The following ADD3 variants were observed in gnomAD, a reference collection of about 807,000 sequenced individuals.
ADD3 encodes adducin 3.
Under a neutral mutation model 80.2 loss-of-function variants are expected in ADD3, and 25 were observed. The ratio of observed to expected loss-of-function variants is 0.31; its 90% CI spans 0.23 to 0.44. The LOEUF is 0.44. ADD3 is among the 20% of genes least tolerant of loss of function. The probability of loss-of-function intolerance (pLI) is 1.00; values close to 1 mark genes in which losing one functional copy is unlikely to be tolerated. For synonymous variants in ADD3, 284 were observed against 289.6 expected (o/e 0.98, Z 0.20); for missense variants, 829 against 847.5 (o/e 0.98, Z 0.27).
chr10:110,125,830 T>C lies in ADD3; in HGVS notation c.1406T>C (p.Met469Thr). Residue 469 changes from methionine (M) to threonine (T), a missense_variant, in exon 11 of 15, where the codon ATG (methionine) becomes ACG (threonine). Coordinates refer to ENST00000356080, the MANE Select transcript of ADD3 (RefSeq NM_016824.5). ...ETSPRTKITW[M>T]KAEDSSKVSG... ...AGAAAATTTTTGATTCTTTAGTGGATGAAAGCAGAAGACTCATCTAAAGTT... is the reference window on the plus strand; with the variant it reads ...AGAAAATTTTTGATTCTTTAGTGGACGAAAGCAGAAGACTCATCTAAAGTT... 1.3e-6 allele frequency: 2 copies of C among 1,583,392 alleles called. No homozygotes were observed. Among genetic ancestry groups the C allele is most frequent in the African/African-American group, 1.3e-5 (1 of 74,180 alleles).
At chr10:109,998,199 C>T (rs572485609) in intron 1 of ADD3, among the ~76,000 whole-genome samples, 44 of 152,140 alleles carry the variant, frequency 2.9e-4, no homozygotes, top group Non-Finnish European at 5.6e-4. Context: ...CAGAAGGGCT[C>T]GCTTTTATCT....
intron 8 of ADD3, 128 bp downstream of exon 8, chr10:110,119,692 T>TA (rs1192680266): frequency 2.7e-6 from 2 of 731,616 alleles, no homozygotes; most frequent in East Asian, 5.3e-5. Context: ...CTGCTCTACT[T>TA]ATGTAGGCAG....
At chr10:110,048,083 C>G (rs184874461) in intron 1 of ADD3, among the ~76,000 whole-genome samples, 1 of 152,198 alleles carries the variant, frequency 6.6e-6, no homozygotes, top group Admixed American at 6.5e-5. Flanking sequence ...GGGGCAGTTT[C>G]CCTCATCCTG....
At chr10:110,084,107 AAT>A (rs1464797990) in intron 1 of ADD3, among the ~76,000 whole-genome samples, 1 of 152,230 alleles carries the variant, frequency 6.6e-6, no homozygotes, top group Non-Finnish European at 1.5e-5. Context: ...TGGAATTTAA[AAT>A]ATAGCAAGCA....
intron 2 of ADD3, 87 bp from the exon 3 acceptor site, chr10:110,112,690 G>A: frequency 4.8e-6 from 7 of 1,447,924 alleles, no homozygotes; most frequent in Non-Finnish European, 6.5e-6. Flanking sequence ...TCAGAAAAGG[G>A]ATGGGGTAAA....
intron 1 of ADD3, among the ~76,000 whole-genome samples, chr10:110,083,933 A>G (rs1217372944): frequency 1.3e-5 from 2 of 152,176 alleles, no homozygotes; most frequent in Non-Finnish European, 2.9e-5. Flanking sequence ...ATATTTACCA[A>G]ACTCTGGAGA....
intron 1 of ADD3, among the ~76,000 whole-genome samples, chr10:110,092,707 C>T (rs1355754989): frequency 6.6e-6 from 1 of 151,996 alleles, no homozygotes; most frequent in African/African-American, 2.4e-5. Flanking sequence ...GCACATGTAC[C>T]CCCTGAACCT....
intron 1 of ADD3, among the ~76,000 whole-genome samples, chr10:110,074,670 A>G (rs766962683): frequency 2.0e-5 from 3 of 152,150 alleles, no homozygotes; most frequent in Non-Finnish European, 2.9e-5. Context: ...TTTCATAACA[A>G]TAACTAATCG....
chr10:110,026,995 G>A (rs1004816017), intron 1 of ADD3, among the ~76,000 whole-genome samples: 1 of 152,060 alleles, frequency 6.6e-6, no homozygotes, highest in Non-Finnish European at 1.5e-5. Flanking sequence ...ACCTTTTCTA[G>A]TCTTCTGTAC....
chr10:110,113,567 C>T (rs903139199), intron 3 of ADD3, among the ~76,000 whole-genome samples: 1 of 152,138 alleles, frequency 6.6e-6, no homozygotes, highest in African/African-American at 2.4e-5. Context: ...GCACCAGGCC[C>T]ACCCTGTCTC....
rs549965902 is a variant in ADD3, at chr10:110,029,769, C to T, written c.-30+21470C>T. 4.6e-5 allele frequency among the ~76,000 whole-genome samples: 7 copies of T among 152,246 alleles called. No homozygotes were observed. In the South Asian group the frequency reaches 1.2e-3, roughly 27 times the overall value. Reference sequence around the variant, plus strand: ...AAACCATATGACAAGACTTTTCTTACCTGATTGAAAGTTGCTTACGGTTTA... The same window carrying T: ...AAACCATATGACAAGACTTTTCTTATCTGATTGAAAGTTGCTTACGGTTTA... On this transcript the variant is annotated intron_variant, in intron 1 of 14. Transcript: ENST00000356080.
In ADD3 at chr10:110,130,490, A is replaced by T; in HGVS notation, c.1732+4A>T. The T allele has an allele frequency of 6.2e-7, 1 of 1,613,016 alleles. No individual in the cohort carries two copies. The highest frequency in any genetic ancestry group is 8.5e-7 in the Non-Finnish European group (1 of 1,179,580). ...CGTAAACAACAAGGCCTAGAAGGTT[A>T]GTTAATCTTTACATTCAACCTAGGG... On this transcript the variant is annotated splice_donor_region_variant and intron_variant, in intron 13 of 14. Transcript: ENST00000356080.
intron 1 of ADD3, among the ~76,000 whole-genome samples, chr10:110,089,021 A>G (rs1354933091): frequency 6.6e-6 from 1 of 152,172 alleles, no homozygotes; most frequent in African/African-American, 2.4e-5. Flanking sequence ...AGCTTGTGAA[A>G]TAGGTAGATG....
chr10:110,132,308 C>T lies in ADD3; in HGVS notation c.1736C>T (p.Ala579Val), dbSNP rs113052722. The T allele has an allele frequency of 6.2e-7, 1 of 1,611,420 alleles. No individual in the cohort carries two copies. Among genetic ancestry groups the T allele is most frequent in the African/African-American group, 1.3e-5 (1 of 74,936 alleles). The change falls in exon 14 of 15, where the codon GCT (alanine) becomes GTT (valine). Residue 579 changes from alanine (A) to valine (V), a missense_variant. Coordinates refer to ENST00000356080, the MANE Select transcript of ADD3 (RefSeq NM_016824.5). ...IERKQQGLEDAEQELLSDDAS... is the reference protein window; with the variant it reads ...IERKQQGLEDVEQELLSDDAS... ...TAACTAAACTCTTATCCAACAGATG[C>T]TGAGCAGGAATTACTCTCAGATGAC...
At chr10:110,030,207 C>A (rs1361309463) in intron 1 of ADD3, among the ~76,000 whole-genome samples, 1 of 150,984 alleles carries the variant, frequency 6.6e-6, no homozygotes, top group Admixed American at 6.6e-5. Flanking sequence ...CTTGTAATCC[C>A]AGCTACTAGG....
chr10:110,007,553 A>G (rs1589690977), upstream of ADD3, among the ~76,000 whole-genome samples: 1 of 152,002 alleles, frequency 6.6e-6, no homozygotes, highest in African/African-American at 2.4e-5. Flanking sequence ...TCGGGTTTCT[A>G]TCGGGGTCGT....
At chr10:110,015,301 T>C (rs1257640473) in intron 1 of ADD3, among the ~76,000 whole-genome samples, 1 of 152,158 alleles carries the variant, frequency 6.6e-6, no homozygotes, top group East Asian at 1.9e-4. Flanking sequence ...TATCAATGAA[T>C]TAGAAATTCA....
chr10:110,123,959 C>G, intron 9 of ADD3, 58 bp from the exon 10 acceptor site: 1 of 1,525,290 alleles, frequency 6.6e-7, no homozygotes, highest in Non-Finnish European at 8.9e-7. Context: ...GAATTAGGAT[C>G]CAAATGCTGT....
At chr10:110,004,369 C>T (rs1195621027), upstream of ADD3, among the ~76,000 whole-genome samples, 3 of 151,728 alleles carry the variant, frequency 2.0e-5, no homozygotes, top group Non-Finnish European at 4.4e-5. Flanking sequence ...CCTGTCTCTA[C>T]TAAAAATACA....
Sources: allele counts gnomAD v4.1 joint callset (sites outside exome capture counted in the v4.1 genomes callset), GRCh38; gene constraint gnomAD v4.1.1; transcripts MANE v1.5; gene names NCBI Gene and HGNC (gene_info 2026-07-23, HGNC 2026-07-21).